Variants in ROBO1 observed in about 807,000 individuals in gnomAD.
ROBO1 encodes roundabout homolog 1.
ROBO1 carries 149 observed loss-of-function variants against 195.9 expected under a neutral mutation model. That is an observed-to-expected ratio of 0.76 (90% CI 0.67 to 0.87). The LOEUF (loss-of-function observed/expected upper bound fraction) is 0.87, where lower values mean the gene tolerates loss of function less well. Among genes scored for constraint, ROBO1 ranks in the 40% least tolerant of loss-of-function variants. The pLI is 0.00. For synonymous variants in ROBO1, 816 were observed against 733.2 expected (o/e 1.11, Z -1.82); for missense variants, 1,933 against 2,068.3 (o/e 0.93, Z 1.27).
At chr3:79,000,552 T>C (rs2077478000) in intron 3 of ROBO1, among the ~76,000 whole-genome samples, 1 of 152,050 alleles carries the variant, frequency 6.6e-6, no homozygotes, top group Admixed American at 6.6e-5. Context: ...ATTAGAGAAA[T>C]GCAAATCAAA....
intron 3 of ROBO1, among the ~76,000 whole-genome samples, chr3:79,036,503 CT>C (rs2078383106): frequency 6.6e-6 from 1 of 151,984 alleles, no homozygotes; most frequent in Non-Finnish European, 1.5e-5. Flanking sequence ...GAAATACTTG[CT>C]TTTGGAAGGA....
chr3:79,551,362 G>A (rs1942505514), intron 2 of ROBO1, among the ~76,000 whole-genome samples: 1 of 143,504 alleles, frequency 7.0e-6, no homozygotes, highest in Non-Finnish European at 1.5e-5. Context: ...ACTATCACAA[G>A]GATACACTGT....
intron 2 of ROBO1, among the ~76,000 whole-genome samples, chr3:79,152,820 A>T (rs934034535): frequency 6.6e-6 from 1 of 151,814 alleles, no homozygotes; most frequent in Non-Finnish European, 1.5e-5. Context: ...CTTTTCTGAG[A>T]TGGTCATATT....
intron 2 of ROBO1, among the ~76,000 whole-genome samples, chr3:79,320,807 T>C (rs1388710446): frequency 2.0e-5 from 3 of 152,210 alleles, no homozygotes; most frequent in African/African-American, 7.2e-5. Context: ...AAATTTTAAA[T>C]GAATCAGAGA....
At chr3:79,006,182 G>C (rs2077615969) in intron 3 of ROBO1, among the ~76,000 whole-genome samples, 1 of 151,944 alleles carries the variant, frequency 6.6e-6, no homozygotes, top group Non-Finnish European at 1.5e-5. Flanking sequence ...GTTAGCTTTA[G>C]GACAAAAGAA....
At position 78,929,479 on chromosome 3, in the gene ROBO1, CATTTATTT is replaced by C. The variant is rs35081123; in HGVS notation, c.499+9114_499+9121del. On this transcript the variant is annotated intron_variant, in intron 4 of 30. Coordinates refer to ENST00000464233, the MANE Select transcript of ROBO1 (RefSeq NM_002941.4). Reference sequence around the variant, plus strand: ...ACAGAAATTATTTCTTTTCCAGTATCATTTATTTATTTATTTATTTATTTATTTATTTA... The same window carrying C: ...ACAGAAATTATTTCTTTTCCAGTATCATTTATTTATTTATTTATTTATTTA... 3.6e-3 allele frequency among the ~76,000 whole-genome samples: 522 copies of C among 144,360 alleles called. 5 individuals are homozygous for C. The highest frequency in any genetic ancestry group is 0.017 in the Middle Eastern group (5 of 286). 94.7% of individuals were successfully genotyped at this position (144,360 alleles called of 152,430 possible). A position where few individuals can be genotyped will look rare whatever the true frequency, so the allele number is the denominator to read the frequency against.
At chr3:79,731,486 C>T (rs1272099577) in intron 1 of ROBO1, among the ~76,000 whole-genome samples, 1 of 151,946 alleles carries the variant, frequency 6.6e-6, no homozygotes, top group Non-Finnish European at 1.5e-5. Flanking sequence ...GGTTAGGAGC[C>T]ACTGGATTAA....
intron 4 of ROBO1, among the ~76,000 whole-genome samples, chr3:78,768,235 A>T (rs749998198): frequency 2.0e-5 from 3 of 151,572 alleles, no homozygotes; most frequent in Non-Finnish European, 4.4e-5. Context: ...CCTGGTTGTG[A>T]ATTTTTTTTG....
At position 78,801,673 on chromosome 3, in the gene ROBO1, A is replaced by G. The variant is rs549710048; in HGVS notation, c.500-54773T>C. On this transcript the variant is annotated intron_variant, in intron 4 of 30. Transcript: ENST00000464233. ...AAAACTCATTCAGAGTTGTAAATATAACATGGGGTACTTTCTATAAGTTAT... is the reference window on the plus strand; with the variant it reads ...AAAACTCATTCAGAGTTGTAAATATGACATGGGGTACTTTCTATAAGTTAT... Among the ~76,000 whole-genome samples the G allele has an allele frequency of 3.0e-4, 45 of 152,288 alleles. 1 individual carries two copies. The South Asian group carries it at 8.7e-3, about 29-fold the overall frequency.
intron 4 of ROBO1, among the ~76,000 whole-genome samples, chr3:78,870,804 G>A (rs761860836): frequency 6.6e-6 from 1 of 152,118 alleles, no homozygotes; most frequent in African/African-American, 2.4e-5. Context: ...AGCAGAGACC[G>A]AGAAGTGTCA....
chr3:79,446,364 G>T (rs1004807410), intron 2 of ROBO1, among the ~76,000 whole-genome samples: 1 of 152,102 alleles, frequency 6.6e-6, no homozygotes, highest in Non-Finnish European at 1.5e-5. Context: ...ATAAATGTCT[G>T]AAAGGTTATT....
chr3:79,320,377 G>A (rs778499405), intron 2 of ROBO1, among the ~76,000 whole-genome samples: 1 of 152,172 alleles, frequency 6.6e-6, no homozygotes, highest in Non-Finnish European at 1.5e-5. Flanking sequence ...CACCAAGGCT[G>A]GAGTGCAGTG....
intron 2 of ROBO1, among the ~76,000 whole-genome samples, chr3:79,444,643 T>TATTAATG (rs1234558069): frequency 1.3e-5 from 2 of 152,086 alleles, no homozygotes; most frequent in African/African-American, 2.4e-5. Context: ...TGAGCACCAG[T>TATTAATG]AGATAAATAC....
chr3:79,695,563 C>A (rs926329966), intron 1 of ROBO1, among the ~76,000 whole-genome samples: 14 of 151,336 alleles, frequency 9.3e-5, no homozygotes, highest in African/African-American at 3.4e-4. Flanking sequence ...AAACACCAAG[C>A]ACTTAAAACC....
chr3:79,685,989 C>T (rs1208964288), intron 1 of ROBO1, among the ~76,000 whole-genome samples: 5 of 152,168 alleles, frequency 3.3e-5, no homozygotes, highest in Non-Finnish European at 7.4e-5. Context: ...TACTGGCAAA[C>T]TGAATCCAGC....
chr3:78,665,733 T>G (rs1047642323), intron 14 of ROBO1, among the ~76,000 whole-genome samples: 1 of 152,160 alleles, frequency 6.6e-6, no homozygotes, highest in Non-Finnish European at 1.5e-5. Context: ...AATGGGTATG[T>G]TTAGCCCCAT....
chr3:79,415,452 GT>G (rs1354963835), intron 2 of ROBO1, among the ~76,000 whole-genome samples: 1 of 152,074 alleles, frequency 6.6e-6, no homozygotes, highest in Non-Finnish European at 1.5e-5. Context: ...ATAAGTACAT[GT>G]GGGGCAAAAA....
At chr3:79,119,131 A>G (rs759817902) in intron 3 of ROBO1, among the ~76,000 whole-genome samples, 2 of 152,152 alleles carry the variant, frequency 1.3e-5, no homozygotes, top group Non-Finnish European at 2.9e-5. Context: ...CTAATGAGAA[A>G]CTTTAGTGTT....
At chr3:79,706,303 T>G (rs752721773) in intron 1 of ROBO1, among the ~76,000 whole-genome samples, 1 of 152,174 alleles carries the variant, frequency 6.6e-6, no homozygotes, top group Non-Finnish European at 1.5e-5. Flanking sequence ...TAGATACCCT[T>G]TATCAAGTTG....
Sources: gnomAD v4.1 joint callset for allele counts (sites outside exome capture counted in the v4.1 genomes callset) on GRCh38, gnomAD v4.1.1 for gene constraint, MANE v1.5 for transcripts, NCBI Gene and HGNC (gene_info 2026-07-23, HGNC 2026-07-21) for gene names.